Variants in PLCH1 observed in about 807,000 individuals in gnomAD.
The protein encoded by PLCH1 is phospholipase C eta 1.
PLCH1 carries 60 observed loss-of-function variants against 126.7 expected under a neutral mutation model. The observed-to-expected ratio is 0.47, with a 90% CI of 0.38 to 0.59. The LOEUF (loss-of-function observed/expected upper bound fraction) is 0.59, where lower values mean the gene tolerates loss of function less well. PLCH1 is among the 20% of genes least tolerant of loss of function. The pLI, the probability that PLCH1 is intolerant of heterozygous loss-of-function variation, is 0.00. For missense variants in PLCH1, 1,723 were observed against 2,040.0 expected (o/e 0.84, Z 2.99); for synonymous variants, 719 against 734.9 (o/e 0.98, Z 0.35).
intron 2 of PLCH1, among the ~76,000 whole-genome samples, chr3:155,676,581 T>C (rs1744109249): frequency 6.6e-6 from 1 of 151,816 alleles, no homozygotes; most frequent in Non-Finnish European, 1.5e-5. Context: ...AGACACACAC[T>C]CTCAGAAGCA....
At chr3:155,564,756 G>A (rs972792076) in intron 8 of PLCH1, among the ~76,000 whole-genome samples, 159 bp downstream of exon 8, 2 of 152,134 alleles carry the variant, frequency 1.3e-5, no homozygotes, top group African/African-American at 2.4e-5. Context: ...AGGAGCCAGA[G>A]AGAATTATGA....
chr3:155,593,987 T>C lies in PLCH1; in HGVS notation c.424A>G (p.Ile142Val). The change falls in exon 4 of 23, where the codon ATC (isoleucine) becomes GTC (valine). Residue 142 changes from isoleucine (I) to valine (V), a missense_variant. By Grantham distance (29) the Ile-to-Val change is conservative. Transcript: ENST00000460012. ...ITGLKYLMAG[I>V]SDEDSLAKRQ... ...TTGGCAAGGGAGTCTTCATCACTGA[T>C]GCCAGCCATCAGGTACTTGAGGCCT... 4 of 1,614,106 alleles carry C rather than the reference T, an allele frequency of 2.5e-6. No individual in the cohort carries two copies. Among genetic ancestry groups the C allele is most frequent in the Non-Finnish European group, 3.4e-6 (4 of 1,179,988 alleles).
At chr3:155,616,637 G>A (rs1165199674) in intron 2 of PLCH1, among the ~76,000 whole-genome samples, 1 of 152,054 alleles carries the variant, frequency 6.6e-6, no homozygotes, top group Non-Finnish European at 1.5e-5. Context: ...AAAAAAGTTT[G>A]GTTTACCTTT....
intron 21 of PLCH1, among the ~76,000 whole-genome samples, chr3:155,465,633 A>G (rs1036027613): frequency 6.6e-6 from 1 of 151,988 alleles, no homozygotes. Flanking sequence ...CTTGCATCTT[A>G]TGTACCAGCA....
At chr3:155,637,060 T>G (rs966956359) in intron 2 of PLCH1, among the ~76,000 whole-genome samples, 1 of 152,314 alleles carries the variant, frequency 6.6e-6, no homozygotes, top group East Asian at 1.9e-4. Flanking sequence ...TCACTAGAGA[T>G]AGATCACCCT....
intron 14 of PLCH1, among the ~76,000 whole-genome samples, chr3:155,500,197 C>A (rs898861729): frequency 8.5e-5 from 13 of 152,062 alleles, no homozygotes; most frequent in African/African-American, 3.1e-4. Context: ...CAAAAAAGAA[C>A]TTTTTTTGAA....
chr3:155,727,850 C>T (rs1748459276), intron 1 of PLCH1, among the ~76,000 whole-genome samples: 1 of 152,108 alleles, frequency 6.6e-6, no homozygotes, highest in African/African-American at 2.4e-5. Flanking sequence ...AGGTGATCTT[C>T]CTTACAGACT....
intron 2 of PLCH1, among the ~76,000 whole-genome samples, chr3:155,643,247 C>T (rs1739616279): frequency 6.6e-6 from 1 of 152,154 alleles, no homozygotes; most frequent in Admixed American, 6.6e-5. Context: ...CCAAACCTGG[C>T]CCCAACTTGG....
At chr3:155,524,192 G>T (rs1721598954) in intron 10 of PLCH1, among the ~76,000 whole-genome samples, 188 bp from the exon 11 acceptor site, 1 of 152,210 alleles carries the variant, frequency 6.6e-6, no homozygotes, top group Admixed American at 6.5e-5. Flanking sequence ...AACCTTGAAG[G>T]TATTATGCTG....
chr3:155,501,810 A>AATAT (rs936682987), intron 13 of PLCH1, among the ~76,000 whole-genome samples: 1 of 152,112 alleles, frequency 6.6e-6, no homozygotes, highest in African/African-American at 2.4e-5. Context: ...TAAATAAATA[A>AATAT]ACAATACAAA....
intron 3 of PLCH1, among the ~76,000 whole-genome samples, 155 bp downstream of exon 3, chr3:155,596,077 A>ATTC (rs1201028129): frequency 1.3e-5 from 2 of 152,144 alleles, no homozygotes; most frequent in Non-Finnish European, 2.9e-5. Flanking sequence ...TTCCCCAAAG[A>ATTC]TGGTCATTAT....
At chr3:155,491,764 C>A (rs897683447) in intron 18 of PLCH1, among the ~76,000 whole-genome samples, 7 of 152,056 alleles carry the variant, frequency 4.6e-5, no homozygotes, top group Non-Finnish European at 7.4e-5. Context: ...TAGATATTGA[C>A]TGGGAAGGTG....
intron 2 of PLCH1, among the ~76,000 whole-genome samples, chr3:155,669,975 T>C (rs1290852570): frequency 1.3e-5 from 2 of 152,230 alleles, no homozygotes; most frequent in African/African-American, 4.8e-5. Context: ...GTACTACATG[T>C]ACCAACACCT....
At chr3:155,743,540 AAAAAAG>A (rs775841778) in intron 1 of PLCH1, 80 of 452,992 alleles carry the variant, frequency 1.8e-4, no homozygotes, top group South Asian at 1.1e-3. Flanking sequence ...TCAAAAAAGA[AAAAAAG>A]AAAAAGAAAA....
chr3:155,605,400 T>A (rs956420329), intron 2 of PLCH1, among the ~76,000 whole-genome samples: 1 of 152,124 alleles, frequency 6.6e-6, no homozygotes, highest in African/African-American at 2.4e-5. Context: ...AATAAAAAAA[T>A]AAAAATCTGA....
chr3:155,699,822 T>TCACACACACACACACACACACACACACA lies in PLCH1; in HGVS notation c.79+4323_79+4324insTGTGTGTGTGTGTGTGTGTGTGTGTGTG, dbSNP rs59082626. ...ATGGTCAGGAGAAACCTGTGACCAT[T>TCACACACACACACACACACACACACACA]CACACACACACACACACACACACAC... is the stretch of plus-strand genomic sequence containing the variant. On this transcript the variant is annotated intron_variant, in intron 2 of 22. Transcript: ENST00000460012. Among the ~76,000 whole-genome samples, 333 of 147,782 alleles carry TCACACACACACACACACACACACACACA rather than the reference T, an allele frequency of 2.3e-3. 2 individuals carry two copies. Among genetic ancestry groups the TCACACACACACACACACACACACACACA allele is most frequent in the African/African-American group, 7.6e-3 (299 of 39,142 alleles).
intron 2 of PLCH1, among the ~76,000 whole-genome samples, chr3:155,629,878 C>T (rs10212594): frequency 0.17 from 25,816 of 152,166 alleles, 2,582 homozygotes; most frequent in African/African-American, 0.27. Flanking sequence ...GTTTCTTTTC[C>T]CTGAAATACT....
In PLCH1 at chr3:155,482,760, T is replaced by C; in HGVS notation, c.3266A>G (p.Asn1089Ser). 1 of 1,614,150 alleles carries C rather than the reference T, an allele frequency of 6.2e-7. No homozygotes were observed. The highest frequency in any genetic ancestry group is 8.5e-7 in the Non-Finnish European group (1 of 1,180,018). ...CACACCATGCAGATCTTGTGTGGGGTTAACTACAGGATCGGGAGCCAAATG... is the reference window on the plus strand; with the variant it reads ...CACACCATGCAGATCTTGTGTGGGGCTAACTACAGGATCGGGAGCCAAATG... ...KQHLAPDPVV[N>S]PTQDLHGVKI... The change falls in exon 23 of 23, where the codon AAC becomes AGC. Residue 1089 changes from asparagine (N) to serine (S), a missense_variant. This residue lies in a region of PLCH1 where 947 missense variants were observed against 977.1 expected (regional missense o/e 0.97). Transcript: ENST00000460012.
At chr3:155,524,309 G>A (rs1424883158) in intron 10 of PLCH1, among the ~76,000 whole-genome samples, 1 of 152,202 alleles carries the variant, frequency 6.6e-6, no homozygotes, top group Non-Finnish European at 1.5e-5. Flanking sequence ...GAAGGTAGGA[G>A]GGTATCGGGA....
Sources: allele counts gnomAD v4.1 joint callset (sites outside exome capture counted in the v4.1 genomes callset), GRCh38; gene constraint gnomAD v4.1.1; regional missense constraint gnomAD v4.1.1; transcripts MANE v1.5; gene names NCBI Gene and HGNC (gene_info 2026-07-23, HGNC 2026-07-21).